SLC43A2: variants seen among roughly 807,000 people sequenced by gnomAD.
SLC43A2 encodes the protein solute carrier family 43 member 2.
Under a neutral mutation model 63.2 loss-of-function variants are expected in SLC43A2, and 38 were observed. The ratio of observed to expected loss-of-function variants is 0.60; its 90% confidence interval spans 0.46 to 0.79. The LOEUF (loss-of-function observed/expected upper bound fraction) is 0.79. SLC43A2 is among the 30% of genes least tolerant of loss of function. The pLI is 0.00. For missense variants in SLC43A2, 644 were observed against 756.2 expected, an observed-to-expected ratio of 0.85 and a Z score of 1.74; for synonymous variants, 322 against 331.0, an observed-to-expected ratio of 0.97 and a Z score of 0.30.
chr17:1,628,521 C>A (rs950027300), intron 1 of SLC43A2, among the ~76,000 whole-genome samples: 1 of 152,034 alleles, frequency 6.6e-6, no homozygotes, highest in Admixed American at 6.5e-5. Flanking sequence ...GCGAACCCAG[C>A]GTGGGAGACG....
rs747823577 is a variant in SLC43A2 at position 1,613,249 on chromosome 17, G to A, written c.447C>T (p.Ile149=). ...KPNALSVLIF[I]ALALNGFGGM... is the part of the protein sequence containing the mutation. Reference sequence around the variant, plus strand: ...CACCAAAGCCATTCAGAGCCAGGGCGATGAAGATGAGCACGGAGAGAGCTG... The same window carrying A: ...CACCAAAGCCATTCAGAGCCAGGGCAATGAAGATGAGCACGGAGAGAGCTG... The change falls in exon 5 of 14, where the codon ATC becomes ATT. Residue 149 remains isoleucine, a synonymous_variant. Coordinates refer to ENST00000301335, the MANE Select transcript of SLC43A2 (RefSeq NM_152346.3). The A allele has an allele frequency of 1.7e-5, 28 of 1,614,156 alleles. No individual in the cohort carries two copies. Among genetic ancestry groups the A allele is most frequent in the South Asian group, 5.5e-5 (5 of 91,088 alleles).
chr17:1,580,756 G>T (rs1178872620), intron 11 of SLC43A2, among the ~76,000 whole-genome samples: 3 of 146,626 alleles, frequency 2.0e-5, no homozygotes, highest in Admixed American at 1.4e-4. Context: ...TTGAGACAAG[G>T]TCTCACTCCG....
intron 5 of SLC43A2, among the ~76,000 whole-genome samples, chr17:1,607,520 T>TG (rs1906727138): frequency 6.6e-6 from 1 of 152,044 alleles, no homozygotes; most frequent in East Asian, 1.9e-4. Context: ...GGCAGGGGAA[T>TG]GCCCATGGAA....
intron 2 of SLC43A2, among the ~76,000 whole-genome samples, chr17:1,622,597 G>T (rs1216122663): frequency 6.9e-6 from 1 of 145,320 alleles, no homozygotes; most frequent in East Asian, 2.1e-4. Context: ...CTTGCCTGTG[G>T]GTGTGAGGAG....
intron 11 of SLC43A2, among the ~76,000 whole-genome samples, chr17:1,579,170 T>A (rs976733285): frequency 4.1e-5 from 6 of 146,860 alleles, no homozygotes; most frequent in African/African-American, 1.3e-4. Context: ...TAATAATAAT[T>A]AAATTATAAG....
intron 11 of SLC43A2, among the ~76,000 whole-genome samples, chr17:1,581,821 T>TTC (rs2076018978): frequency 1.3e-5 from 2 of 151,928 alleles, no homozygotes. Flanking sequence ...TTTTTTTTTT[T>TTC]TTGAGACACA....
Position 1,573,102 on chromosome 17 carries a change from T to G in SLC43A2, c.*2502A>C. On this transcript the variant is annotated 3_prime_UTR_variant, in exon 14 of 14. Coordinates refer to ENST00000301335, the MANE Select transcript of SLC43A2 (RefSeq NM_152346.3). Reference sequence around the variant, plus strand: ...GAGGTGGGAGGATCCCTTGAGCCCATGAGTTGGAGGCCGTGGTGAGCTATC... The same window carrying G: ...GAGGTGGGAGGATCCCTTGAGCCCAGGAGTTGGAGGCCGTGGTGAGCTATC... 7.0e-6 allele frequency: 1 copy of G among 142,300 alleles called. No individual in the cohort carries two copies. Among genetic ancestry groups the G allele is most frequent in the Non-Finnish European group, 1.5e-5 (1 of 67,182 alleles). The allele number at this position is 142,300 out of a possible 1,614,324, so 8.8% of individuals were successfully genotyped here.
intron 11 of SLC43A2, among the ~76,000 whole-genome samples, chr17:1,579,516 A>G (rs1231337674): frequency 6.6e-6 from 1 of 151,802 alleles, no homozygotes; most frequent in Non-Finnish European, 1.5e-5. Flanking sequence ...TATTAAAGTA[A>G]AGGTAATGAA....
Position 1,574,937 on chromosome 17 carries a change from C to T in SLC43A2, c.*667G>A, listed in dbSNP as rs9895731. 0.012 allele frequency: 1,799 copies of T among 153,616 alleles called. 41 individuals carry two copies. Among genetic ancestry groups the T allele is most frequent in the African/African-American group, 0.041 (1,724 of 41,596 alleles). 9.5% of individuals were successfully genotyped at this position (153,616 alleles called of 1,614,324 possible). On this transcript the variant is annotated 3_prime_UTR_variant, in exon 14 of 14. Coordinates refer to ENST00000301335, the MANE Select transcript of SLC43A2 (RefSeq NM_152346.3). ...AACGAGGGTGACAGTGAAAACGTGT[C>T]CGCGGCATTGGCCCTCGGGGAGGAG...
rs2075971911 is a variant in SLC43A2, at chr17:1,578,892, GTGC to G, written c.1351-572_1351-570del. 6.6e-6 allele frequency among the ~76,000 whole-genome samples: 1 copy of G among 152,098 alleles called. No homozygotes were observed. Among genetic ancestry groups the G allele is most frequent in the South Asian group, 2.1e-4 (1 of 4,824 alleles). ...AAGGTGGCTCACGCCCGTAATCCCA[GTGC>G]TTTGGGAGGCCGAGGAGGTGGATCA... is the stretch of plus-strand genomic sequence containing the variant. On this transcript the variant is annotated intron_variant, in intron 11 of 13. Coordinates refer to ENST00000301335, the MANE Select transcript of SLC43A2 (RefSeq NM_152346.3). The surrounding 1 kb of genome is among the most constrained non-coding windows in gnomAD (Gnocchi z 6.5).
In SLC43A2 at chr17:1,575,778, G is replaced by T. The variant is rs1169023143; in HGVS notation, c.1549-13C>A. The T allele has an allele frequency of 2.5e-6, 4 of 1,602,940 alleles. No homozygotes were observed. The highest frequency in any genetic ancestry group is 3.4e-6 in the Non-Finnish European group (4 of 1,174,930). The stretch of plus-strand genomic sequence containing the variant: ...GCCCCACGTTCACCTGGGGAGGCAG[G>T]GAGGCCGCGCATCACAGGGCGTGGT... On this transcript the variant is annotated splice_polypyrimidine_tract_variant and intron_variant, in intron 13 of 13. Transcript: ENST00000301335.
intron 2 of SLC43A2, among the ~76,000 whole-genome samples, chr17:1,626,377 T>A (rs1330115027): frequency 6.6e-6 from 1 of 152,166 alleles, no homozygotes; most frequent in African/African-American, 2.4e-5. Flanking sequence ...AAGGTCTGAC[T>A]CTTCCCAACT....
chr17:1,574,106 G>A lies in SLC43A2; in HGVS notation c.*1498C>T, dbSNP rs1410343285. The A allele has an allele frequency of 2.6e-5, 4 of 152,338 alleles. No individual in the cohort carries two copies. Among genetic ancestry groups the A allele is most frequent in the Admixed American group, 2.6e-4 (4 of 15,276 alleles). 9.4% of individuals were successfully genotyped at this position (152,338 alleles called of 1,614,324 possible). On this transcript the variant is annotated 3_prime_UTR_variant, in exon 14 of 14. Coordinates refer to ENST00000301335, the MANE Select transcript of SLC43A2 (RefSeq NM_152346.3). ...ACCCAGCGGGAATCTTCAGGGTTGT[G>A]GAAGGGTGTAGGGATGGAAAGGGAC...
intron 11 of SLC43A2, among the ~76,000 whole-genome samples, chr17:1,581,686 C>T (rs956151938): frequency 6.6e-6 from 1 of 152,198 alleles, no homozygotes; most frequent in African/African-American, 2.4e-5. Flanking sequence ...CCAAAACCTA[C>T]TGCTAGACCA....
At chr17:1,589,347 G>A (rs550113198) in intron 9 of SLC43A2, among the ~76,000 whole-genome samples, 1 of 152,232 alleles carries the variant, frequency 6.6e-6, no homozygotes, top group East Asian at 1.9e-4. Flanking sequence ...GTTTACGCCT[G>A]TAATCCCAGC....
Position 1,575,661 on chromosome 17 carries a change from C to T in SLC43A2, c.1653G>A (p.Glu551=). The T allele has an allele frequency of 2.5e-6, 4 of 1,614,060 alleles. No homozygotes were observed. The highest frequency in any genetic ancestry group is 2.2e-5 in the East Asian group (1 of 44,878). The part of the protein sequence containing the change: ...QLERQLQQRQ[E]DDKLFLKING... ...TGATTTTGAGGAAGAGTTTGTCATC[C>T]TCCTGCCTCTGCTGCAGCTGCCGCT... The change falls in exon 14 of 14, where the codon GAG becomes GAA. Residue 551 remains glutamate (E), a synonymous_variant. Transcript: ENST00000301335.
chr17:1,585,714 C>A, intron 10 of SLC43A2, 199 bp downstream of exon 10: 1 of 1,523,238 alleles, frequency 6.6e-7, no homozygotes. Context: ...CCATTGCATT[C>A]CAAACAATTT....
chr17:1,599,850 C>T (rs1356013680), intron 5 of SLC43A2, among the ~76,000 whole-genome samples: 1 of 150,752 alleles, frequency 6.6e-6, no homozygotes, highest in African/African-American at 2.4e-5. Flanking sequence ...CGAGACCATC[C>T]TCGCTAACAC....
intron 11 of SLC43A2, among the ~76,000 whole-genome samples, chr17:1,581,693 A>G (rs796407031): frequency 5.3e-5 from 8 of 152,194 alleles, no homozygotes; most frequent in African/African-American, 1.7e-4. Context: ...CTACTGCTAG[A>G]CCACTTTCAC....
Sources: allele counts gnomAD v4.1 joint callset (sites outside exome capture counted in the v4.1 genomes callset), GRCh38; gene constraint gnomAD v4.1.1; non-coding constraint Gnocchi (gnomAD v3.1); transcripts MANE v1.5; gene names NCBI Gene and HGNC (gene_info 2026-07-23, HGNC 2026-07-21).